KCNJ5: variants seen among roughly 807,000 people sequenced by gnomAD.
KCNJ5 encodes potassium inwardly rectifying channel subfamily J member 5.
In KCNJ5, 12 loss-of-function variants were observed where a neutral mutation model predicts 20.2. That is an observed-to-expected ratio of 0.59 (90% confidence interval 0.38 to 0.96). The LOEUF (loss-of-function observed/expected upper bound fraction) is 0.96. Among genes scored for constraint, KCNJ5 ranks in the 40% least tolerant of loss-of-function variants. The pLI is 0.00. For missense variants in KCNJ5, 449 were observed against 557.6 expected (o/e 0.81, Z 1.96); for synonymous variants, 210 against 213.9 (o/e 0.98, Z 0.16).
At chr11:128,909,460 G>C (rs1944468519) in intron 1 of KCNJ5, among the ~76,000 whole-genome samples, 1 of 152,212 alleles carries the variant, frequency 6.6e-6, no homozygotes, top group Admixed American at 6.5e-5. Flanking sequence ...CGCTGCACTG[G>C]TCCTCATGAC....
intron 1 of KCNJ5, among the ~76,000 whole-genome samples, chr11:128,892,949 A>G (rs1288929028): frequency 6.6e-6 from 1 of 152,228 alleles, no homozygotes; most frequent in Non-Finnish European, 1.5e-5. Context: ...TGCTATCTCC[A>G]AAACTCTTGT....
chr11:128,895,322 A>G (rs1944157043), intron 1 of KCNJ5, among the ~76,000 whole-genome samples: 1 of 152,106 alleles, frequency 6.6e-6, no homozygotes, highest in South Asian at 2.1e-4. Flanking sequence ...TGCAAGAACC[A>G]AGAGGACCTC....
intron 1 of KCNJ5, among the ~76,000 whole-genome samples, chr11:128,897,704 T>C (rs902297940): frequency 9.9e-5 from 15 of 152,248 alleles, no homozygotes; most frequent in African/African-American, 3.6e-4. Context: ...GTGCTTTTCT[T>C]GTCAAGTCTA....
At chr11:128,895,493 A>G (rs1399820503) in intron 1 of KCNJ5, among the ~76,000 whole-genome samples, 1 of 151,530 alleles carries the variant, frequency 6.6e-6, no homozygotes, top group Non-Finnish European at 1.5e-5. Flanking sequence ...CAGCAGTGCC[A>G]GCAGAAGCCA....
chr11:128,905,309 A>G (rs1250463284), intron 1 of KCNJ5, among the ~76,000 whole-genome samples: 1 of 152,016 alleles, frequency 6.6e-6, no homozygotes, highest in African/African-American at 2.4e-5. Flanking sequence ...GCAGCCGCAG[A>G]GCTGCAGCTG....
In KCNJ5 at chr11:128,916,482, C is replaced by T; in HGVS notation, c.1011C>T (p.Leu337=). ...VLWGHRFTPV[L]TLEKGFYEVD... is the part of the protein sequence containing the mutation. ...GGGGCCACCGATTCACACCAGTCCTCACCTTGGAAAAGGGCTTCTATGAGG... is the reference window on the plus strand; with the variant it reads ...GGGGCCACCGATTCACACCAGTCCTTACCTTGGAAAAGGGCTTCTATGAGG... The change falls in exon 3 of 3, where the codon CTC becomes CTT. Residue 337 remains leucine, a synonymous_variant. Transcript: ENST00000529694. 6.2e-7 allele frequency: 1 copy of T among 1,614,232 alleles called. No individual in the cohort carries two copies. The highest frequency in any genetic ancestry group is 8.5e-7 in the Non-Finnish European group (1 of 1,180,044).
At chr11:128,899,766 C>G (rs1161803433) in intron 1 of KCNJ5, 1 of 152,144 alleles carries the variant, frequency 6.6e-6, no homozygotes, top group African/African-American at 2.4e-5. Flanking sequence ...TTTCCGTGCC[C>G]TTTTCATGGC....
intron 1 of KCNJ5, among the ~76,000 whole-genome samples, chr11:128,894,186 T>G (rs939997062): frequency 9.0e-6 from 1 of 111,074 alleles, no homozygotes; most frequent in Non-Finnish European, 2.2e-5. Flanking sequence ...CTGCATTGTT[T>G]TTTTTTTTTT....
Position 128,911,623 on chromosome 11 carries a change from A to G in KCNJ5, c.350A>G (p.Asp117Gly). ...TGGCTCATTGCTTATATCCGGGGTG[A>G]CCTGGACCATGTTGGCGACCAAGAG... The part of the protein sequence containing the change: ...IWWLIAYIRG[D>G]LDHVGDQEWI... Residue 117 changes from aspartate (D) to glycine (G), a missense_variant, in exon 2 of 3, where the codon GAC becomes GGC. By Grantham distance (94) the Asp-to-Gly change is moderately conservative. Transcript: ENST00000529694. This position sits in a 1 kb window ranked among gnomAD's most constrained non-coding sequence, Gnocchi z 6.3. 6.2e-7 allele frequency: 1 copy of G among 1,614,132 alleles called. No individual in the cohort carries two copies. Among genetic ancestry groups the G allele is most frequent in the Non-Finnish European group, 8.5e-7 (1 of 1,180,018 alleles).
chr11:128,894,458 T>A (rs548373364), intron 1 of KCNJ5, among the ~76,000 whole-genome samples: 4 of 152,320 alleles, frequency 2.6e-5, no homozygotes, highest in African/African-American at 7.2e-5. Context: ...GTGTATGAGC[T>A]ATAGACAGGT....
chr11:128,917,150 G>T lies in KCNJ5; in HGVS notation c.*419G>T. The T allele has an allele frequency of 5.9e-6, 1 of 170,314 alleles. No homozygotes were observed. The allele number at this position is 170,314 out of a possible 1,614,324, so 10.6% of individuals were successfully genotyped here. A position where few individuals can be genotyped will look rare whatever the true frequency, so the allele number is the denominator to read the frequency against. On this transcript the variant is annotated 3_prime_UTR_variant, in exon 3 of 3. Transcript: ENST00000529694. ...TGAGGCTTGCTGTGGACTCAGAGAG[G>T]AGACTTACCTGATGAGAGCTCAAAC...
chr11:128,895,376 G>GCCCC (rs1393711093), intron 1 of KCNJ5, among the ~76,000 whole-genome samples: 37 of 65,108 alleles, frequency 5.7e-4, no homozygotes, highest in African/African-American at 2.2e-3. Flanking sequence ...CTTAGAGTGT[G>GCCCC]CCCCCACCCC....
intron 1 of KCNJ5, chr11:128,909,711 C>T (rs1161334881): frequency 6.6e-6 from 1 of 152,194 alleles, no homozygotes; most frequent in Non-Finnish European, 1.5e-5. Flanking sequence ...TTCTGTGTTT[C>T]TCGATCAGGA....
intron 2 of KCNJ5, among the ~76,000 whole-genome samples, chr11:128,915,972 G>A (rs1176512406): frequency 9.3e-6 from 1 of 107,424 alleles, no homozygotes; most frequent in Non-Finnish European, 1.8e-5. Flanking sequence ...TTGGATGGAT[G>A]GATGGATGGA....
chr11:128,905,716 T>G, intron 1 of KCNJ5: 1 of 149,630 alleles, frequency 6.7e-6, no homozygotes. Context: ...AAGGGAAAGG[T>G]CTTAGAAAAT....
rs71057905 is a variant in KCNJ5 at position 128,891,441 on chromosome 11, CAG to C, written c.-257_-256del. On this transcript the variant is annotated 5_prime_UTR_variant, in exon 1 of 3. Coordinates refer to ENST00000529694, the MANE Select transcript of KCNJ5 (RefSeq NM_000890.5). ...ACACACACACACACACACACACACA[CAG>C]AGAGAGAGAGAGAGAGAGAGAGAGA... The C allele has an allele frequency of 9.9e-3, 542 of 54,878 alleles. 4 individuals are homozygous for C. Among genetic ancestry groups the C allele is most frequent in the East Asian group, 0.049 (87 of 1,774 alleles). 3.4% of individuals were successfully genotyped at this position (54,878 alleles called of 1,614,324 possible).
At chr11:128,904,008 C>T (rs1489427673) in intron 1 of KCNJ5, among the ~76,000 whole-genome samples, 4 of 152,186 alleles carry the variant, frequency 2.6e-5, no homozygotes, top group Admixed American at 6.5e-5. Flanking sequence ...AAACCTAGCC[C>T]GCTGCTTAGT....
In KCNJ5 at chr11:128,911,751, A is replaced by G. The variant is rs1944504915; in HGVS notation, c.478A>G (p.Lys160Glu). ...IGYGFRVITE[K>E]CPEGIILLLV... ...GTATGGCTTCCGAGTCATCACAGAG[A>G]AGTGTCCAGAGGGGATTATACTCCT... Residue 160 changes from lysine to glutamate, a missense_variant, in exon 2 of 3, where the codon AAG (lysine) becomes GAG (glutamate). This residue lies in a region of KCNJ5 where 203 missense variants were observed against 258.0 expected (regional missense o/e 0.79). Transcript: ENST00000529694. This position sits in a 1 kb window ranked among gnomAD's most constrained non-coding sequence, Gnocchi z 6.3. The G allele has an allele frequency of 6.2e-7, 1 of 1,614,144 alleles. No individual in the cohort carries two copies.
chr11:128,906,735 C>T (rs966124815), intron 1 of KCNJ5, among the ~76,000 whole-genome samples: 2 of 152,200 alleles, frequency 1.3e-5, no homozygotes, highest in Non-Finnish European at 2.9e-5. Context: ...TCTCTTACTT[C>T]GGGAAAAGCC....
Sources: allele counts gnomAD v4.1 joint callset (sites outside exome capture counted in the v4.1 genomes callset), GRCh38; gene constraint gnomAD v4.1.1; regional missense constraint gnomAD v4.1.1; non-coding constraint Gnocchi (gnomAD v3.1); transcripts MANE v1.5; gene names NCBI Gene and HGNC (gene_info 2026-07-23, HGNC 2026-07-21).